The following SGCD variants were observed in gnomAD, a reference collection of about 807,000 sequenced individuals.
The protein encoded by SGCD is sarcoglycan delta, also known as delta-sarcoglycan.
Under a neutral mutation model 36.6 loss-of-function variants are expected in SGCD, and 18 were observed. That is an observed-to-expected ratio of 0.49 (90% CI 0.34 to 0.73). The LOEUF is 0.73. SGCD is among the 30% of genes least tolerant of loss of function. The probability of loss-of-function intolerance (pLI) is 0.01; values close to 1 mark genes in which losing one functional copy is unlikely to be tolerated. For missense variants in SGCD, 387 were observed against 346.7 expected (o/e 1.12, Z -0.92); for synonymous variants, 133 against 130.6 (o/e 1.02, Z -0.12).
chr5:156,349,923 G>A (rs1286070175), intron 3 of SGCD, among the ~76,000 whole-genome samples: 1 of 151,886 alleles, frequency 6.6e-6, no homozygotes, highest in Non-Finnish European at 1.5e-5. Flanking sequence ...TGAAATAATG[G>A]CTTTTACAGC....
intron 1 of SGCD, among the ~76,000 whole-genome samples, chr5:156,008,312 C>A (rs1221716184): frequency 6.6e-6 from 1 of 152,144 alleles, no homozygotes; most frequent in South Asian, 2.1e-4. Context: ...TGACTTACAG[C>A]TGATATGCTC....
At chr5:156,315,450 C>T (rs1006180507) in intron 3 of SGCD, among the ~76,000 whole-genome samples, 3 of 151,904 alleles carry the variant, frequency 2.0e-5, no homozygotes, top group Non-Finnish European at 4.4e-5. Flanking sequence ...TTTTCTTTAA[C>T]CACTCATTGG....
chr5:156,262,227 C>G (rs1459237076), intron 3 of SGCD, among the ~76,000 whole-genome samples: 1 of 152,018 alleles, frequency 6.6e-6, no homozygotes, highest in African/African-American at 2.4e-5. Flanking sequence ...TGGGAAGTGC[C>G]CTGTACAGCT....
At chr5:155,826,044 T>C in the SGCD span, among the ~76,000 whole-genome samples, 5 of 152,328 alleles carry the variant, frequency 3.3e-5, no homozygotes, top group African/African-American at 1.2e-4. Context: ...GCCACCATAC[T>C]CGGCCTAGTT....
chr5:156,612,127 T>C (rs1761839240), intron 6 of SGCD, among the ~76,000 whole-genome samples: 2 of 152,298 alleles, frequency 1.3e-5, no homozygotes, highest in South Asian at 4.1e-4. Flanking sequence ...TTTAGAGGTG[T>C]TGTTTTGCTT....
At chr5:155,826,143 C>T in the SGCD span, among the ~76,000 whole-genome samples, 5 of 152,306 alleles carry the variant, frequency 3.3e-5, no homozygotes, top group Non-Finnish European at 4.4e-5. Flanking sequence ...TTAAGCAAGT[C>T]TAGCTCTAAA....
At chr5:155,918,530 T>C (rs1756804396) in intron 1 of SGCD, among the ~76,000 whole-genome samples, 1 of 152,200 alleles carries the variant, frequency 6.6e-6, no homozygotes, top group Non-Finnish European at 1.5e-5. Flanking sequence ...GCCATTGCAC[T>C]GTAGCCTGGG....
the SGCD span, among the ~76,000 whole-genome samples, chr5:155,798,400 C>T: frequency 1.3e-5 from 2 of 152,190 alleles, no homozygotes; most frequent in Admixed American, 1.3e-4. Context: ...AGATTAACTT[C>T]ATGCTTTTTT....
intron 3 of SGCD, among the ~76,000 whole-genome samples, chr5:156,467,459 C>T (rs1754765885): frequency 6.6e-6 from 1 of 152,154 alleles, no homozygotes; most frequent in South Asian, 2.1e-4. Context: ...TTCTATGGTT[C>T]TACCTCAATG....
At chr5:155,957,280 G>A (rs1053720869) in intron 1 of SGCD, among the ~76,000 whole-genome samples, 1 of 152,054 alleles carries the variant, frequency 6.6e-6, no homozygotes, top group Non-Finnish European at 1.5e-5. Context: ...GGGAGCCTGG[G>A]CAGGTGATGA....
chr5:155,880,204 A>G (rs1750205070), intron 1 of SGCD, among the ~76,000 whole-genome samples: 1 of 152,170 alleles, frequency 6.6e-6, no homozygotes, highest in Non-Finnish European at 1.5e-5. Context: ...ATAAGTTTAC[A>G]TCAGCCATCT....
upstream of SGCD, among the ~76,000 whole-genome samples, chr5:155,869,300 G>A (rs1262336141): frequency 2.0e-5 from 3 of 152,106 alleles, no homozygotes; most frequent in African/African-American, 7.2e-5. Flanking sequence ...TTTAGCAAAG[G>A]TTCAAAGATA....
chr5:156,098,120 T>A (rs1761425905), intron 1 of SGCD, among the ~76,000 whole-genome samples: 1 of 152,228 alleles, frequency 6.6e-6, no homozygotes, highest in African/African-American at 2.4e-5. Context: ...AGAAGAAGTA[T>A]TTTGAGTCCA....
chr5:156,712,876 C>T (rs961113694), intron 7 of SGCD, among the ~76,000 whole-genome samples: 1 of 152,114 alleles, frequency 6.6e-6, no homozygotes, highest in Non-Finnish European at 1.5e-5. Flanking sequence ...GCACTTAAAC[C>T]AGTGGGAAAC....
the SGCD span, among the ~76,000 whole-genome samples, chr5:155,730,339 T>C: frequency 2.0e-5 from 3 of 152,248 alleles, no homozygotes; most frequent in East Asian, 5.8e-4. Flanking sequence ...TTCCTCGGCT[T>C]ACTCATTTGT....
At chr5:156,231,719 G>A (rs1765023969) in intron 3 of SGCD, among the ~76,000 whole-genome samples, 2 of 152,172 alleles carry the variant, frequency 1.3e-5, no homozygotes, top group Admixed American at 6.5e-5. Context: ...GATATATAGA[G>A]AGCTTGTAGG....
At chr5:156,681,403 A>G (rs1276069545) in intron 7 of SGCD, among the ~76,000 whole-genome samples, 1 of 152,126 alleles carries the variant, frequency 6.6e-6, no homozygotes, top group Non-Finnish European at 1.5e-5. Context: ...AGTTGCTTGT[A>G]TCCTCTCCAC....
intron 4 of SGCD, among the ~76,000 whole-genome samples, chr5:156,574,273 C>T (rs553622126): frequency 9.2e-5 from 14 of 152,290 alleles, no homozygotes; most frequent in Admixed American, 8.5e-4. Flanking sequence ...ATCCTAACAT[C>T]ACTGTCAGTT....
chr5:156,511,145 C>T (rs1023898429), intron 4 of SGCD, among the ~76,000 whole-genome samples: 1 of 152,148 alleles, frequency 6.6e-6, no homozygotes, highest in Non-Finnish European at 1.5e-5. Flanking sequence ...TCACTATTTT[C>T]CATTGGTTTT....
Sources: gnomAD v4.1 joint callset for allele counts (sites outside exome capture counted in the v4.1 genomes callset) on GRCh38, gnomAD v4.1.1 for gene constraint, MANE v1.5 for transcripts, NCBI Gene and HGNC (gene_info 2026-07-23, HGNC 2026-07-21) for gene names.